The following DCUN1D2 variants were observed in gnomAD, a reference collection of about 807,000 sequenced individuals.
DCUN1D2 encodes the protein defective in cullin neddylation 1 domain containing 2, also known as DCN1-like protein 2.
DCUN1D2 carries 29 observed loss-of-function variants against 30.9 expected under a neutral mutation model. The ratio of observed to expected loss-of-function variants is 0.94; its 90% confidence interval spans 0.70 to 1.28. The LOEUF (loss-of-function observed/expected upper bound fraction) is 1.28, where lower values mean the gene tolerates loss of function less well. DCUN1D2 is among the 50% of genes most tolerant of loss of function. The pLI is 0.00. For missense variants in DCUN1D2, 325 were observed against 316.9 expected (o/e 1.03, Z -0.19); for synonymous variants, 121 against 115.3 (o/e 1.05, Z -0.32).
rs376665865 is a variant in DCUN1D2 at position 113,480,756 on chromosome 13, T to A, written c.221-13A>T. On this transcript the variant is annotated splice_polypyrimidine_tract_variant and intron_variant, in intron 2 of 6. Transcript: ENST00000478244. ...TCATCTTGTGGATCTGTAGTTAATA[T>A]CAGGGGAAAAGGAAGTTATACTATT... 1 of 1,612,394 alleles carries A rather than the reference T, an allele frequency of 6.2e-7. No homozygotes were observed.
Position 113,455,908 on chromosome 13 carries a change from T to G in DCUN1D2, c.*2121A>C, listed in dbSNP as rs1392577760. 3.8e-6 allele frequency: 1 copy of G among 260,456 alleles called. No homozygotes were observed. The highest frequency in any genetic ancestry group is 7.0e-5 in the East Asian group (1 of 14,388). 16.1% of individuals were successfully genotyped at this position (260,456 alleles called of 1,614,324 possible). A position where few individuals can be genotyped will look rare whatever the true frequency, so the allele number is the denominator to read the frequency against. ...TACAACAGAAGAAAAAAACCCACAA[T>G]TTTTGGAAAAGCCTTTGTCCAATGA... On this transcript the variant is annotated 3_prime_UTR_variant, in exon 7 of 7. Transcript: ENST00000478244.
chr13:113,465,872 G>GATAT (rs5806992), intron 4 of DCUN1D2, among the ~76,000 whole-genome samples: 24,295 of 151,206 alleles, frequency 0.16, 2,288 homozygotes, highest in Middle Eastern at 0.29. Flanking sequence ...TATATAGACA[G>GATAT]ATATATATAG....
intron 1 of DCUN1D2, among the ~76,000 whole-genome samples, chr13:113,484,809 A>C (rs2044772674): frequency 4.6e-5 from 7 of 152,152 alleles, no homozygotes; most frequent in Admixed American, 4.6e-4. Context: ...CACTTATCTA[A>C]AGTAACTTGA....
chr13:113,483,962 T>C lies in DCUN1D2; in HGVS notation c.98A>G (p.Asn33Ser). 6.2e-7 allele frequency: 1 copy of C among 1,614,242 alleles called. No homozygotes were observed. Among genetic ancestry groups the C allele is most frequent in the Non-Finnish European group, 8.5e-7 (1 of 1,180,048 alleles). ...ERTAIYCLTQ[N>S]EWRLDEATDS... ...CGTGGCCTCGTCTAGTCTCCACTCA[T>C]TCTGCGTTAAGCAGTAGATAGCAGT... is the stretch of plus-strand genomic sequence containing the variant. Residue 33 changes from asparagine to serine, a missense_variant, in exon 2 of 7, where the codon AAT becomes AGT. Asn to Ser is a conservative substitution (Grantham distance 46). Transcript: ENST00000478244.
chr13:113,457,809 A>G lies in DCUN1D2; in HGVS notation c.*220T>C. On this transcript the variant is annotated 3_prime_UTR_variant, in exon 7 of 7. Coordinates refer to ENST00000478244, the MANE Select transcript of DCUN1D2 (RefSeq NM_001014283.2). ...TTCCTAACGCAAAAGCTATGATGAC[A>G]AATCTCCAAACATCCCAAAGCAGCC... is the stretch of plus-strand genomic sequence containing the variant. 1.9e-6 allele frequency: 1 copy of G among 537,998 alleles called. No individual in the cohort carries two copies. The highest frequency in any genetic ancestry group is 3.4e-6 in the Non-Finnish European group (1 of 297,842). 33.3% of individuals were successfully genotyped at this position (537,998 alleles called of 1,614,324 possible).
At chr13:113,467,110 T>G (rs956763334) in intron 4 of DCUN1D2, among the ~76,000 whole-genome samples, 3 of 151,944 alleles carry the variant, frequency 2.0e-5, no homozygotes, top group Non-Finnish European at 2.9e-5. Context: ...GCCTGGCCTG[T>G]CCTTTGGATG....
chr13:113,486,795 C>T lies in DCUN1D2; in HGVS notation c.4-2739G>A, dbSNP rs190442013. Among the ~76,000 whole-genome samples, 112 of 152,330 alleles carry T rather than the reference C, an allele frequency of 7.4e-4. 1 individual carries two copies. The highest frequency in any genetic ancestry group is 1.4e-3 in the Non-Finnish European group (93 of 68,036). On this transcript the variant is annotated intron_variant, in intron 1 of 6. Coordinates refer to ENST00000478244, the MANE Select transcript of DCUN1D2 (RefSeq NM_001014283.2). ...GGGAAGGTAGAACTCAGATTAAGAA[C>T]GGATGAAGAAGATCAGAAGCCTTCA...
rs1442240087 is a variant in DCUN1D2, at chr13:113,461,156, A to G, written c.521-20T>C. ...CTAAGTCTGGTAAAAAGAAAGAAAG[A>G]GCAGTTAGTAAATCTCACTCTCTTT... On this transcript the variant is annotated intron_variant, in intron 4 of 6. Transcript: ENST00000478244. 1 of 1,513,666 alleles carries G rather than the reference A, an allele frequency of 6.6e-7. No homozygotes were observed. The highest frequency in any genetic ancestry group is 1.7e-5 in the Admixed American group (1 of 58,330). 93.8% of individuals were successfully genotyped at this position (1,513,666 alleles called of 1,614,324 possible). A position where few individuals can be genotyped will look rare whatever the true frequency, so the allele number is the denominator to read the frequency against.
chr13:113,484,075 G>T lies in DCUN1D2; in HGVS notation c.4-19C>A. 1.9e-6 allele frequency: 3 copies of T among 1,612,192 alleles called. No homozygotes were observed. The highest frequency in any genetic ancestry group is 8.5e-7 in the Non-Finnish European group (1 of 1,179,850). The stretch of plus-strand genomic sequence containing the variant: ...GCTTATGCTTTGGGATGCAAAAGAA[G>T]TAGGAAAGCCAATGAAGCCGCTCCA... On this transcript the variant is annotated intron_variant, in intron 1 of 6. Coordinates refer to ENST00000478244, the MANE Select transcript of DCUN1D2 (RefSeq NM_001014283.2).
At position 113,488,674 on chromosome 13, in the gene DCUN1D2, A is replaced by C. The variant is rs2139754642; in HGVS notation, c.3+1993T>G. 6.6e-6 allele frequency among the ~76,000 whole-genome samples: 1 copy of C among 152,328 alleles called. No homozygotes were observed. The highest frequency in any genetic ancestry group is 2.4e-5 in the African/African-American group (1 of 41,576). On this transcript the variant is annotated intron_variant, in intron 1 of 6. Transcript: ENST00000478244. The surrounding 1 kb of genome is among the most constrained non-coding windows in gnomAD (Gnocchi z 4.3). ...AGAGGACTGAACCCAGGTCAAATTA[A>C]CAAAGGCCCAGACGTTGGCAAGAAG... is the stretch of plus-strand genomic sequence containing the variant.
intron 4 of DCUN1D2, among the ~76,000 whole-genome samples, chr13:113,467,472 T>A: frequency 6.6e-6 from 1 of 151,612 alleles, no homozygotes; most frequent in Non-Finnish European, 1.5e-5. Flanking sequence ...GAGTGCCTAT[T>A]TTGAATTAAA....
Position 113,480,682 on chromosome 13 carries a change from G to A in DCUN1D2, c.282C>T (p.Ser94=). 1.2e-6 allele frequency: 2 copies of A among 1,614,060 alleles called. No homozygotes were observed. Among genetic ancestry groups the A allele is most frequent in the Non-Finnish European group, 1.7e-6 (2 of 1,179,994 alleles). ...DGIQQFCDDL[S]LDPASISVLV... The stretch of plus-strand genomic sequence containing the variant: ...ATACACTGATACTGGCAGGATCCAG[G>A]CTCAGATCATCACAAAACTGTTGAA... Residue 94 remains serine (S), a synonymous_variant, in exon 3 of 7, where the codon AGC becomes AGT. Coordinates refer to ENST00000478244, the MANE Select transcript of DCUN1D2 (RefSeq NM_001014283.2).
intron 1 of DCUN1D2, among the ~76,000 whole-genome samples, chr13:113,486,980 G>A (rs2260894): frequency 0.19 from 29,120 of 152,190 alleles, 3,709 homozygotes; most frequent in African/African-American, 0.36. Context: ...TGCCGACCCC[G>A]ATCTAGATTC....
intron 4 of DCUN1D2, among the ~76,000 whole-genome samples, chr13:113,471,314 C>A (rs2044511080): frequency 6.7e-6 from 1 of 149,572 alleles, no homozygotes; most frequent in African/African-American, 2.4e-5. Flanking sequence ...CCACAGAAGA[C>A]CCAACTCCAC....
At chr13:113,477,046 C>T (rs1003366632) in intron 3 of DCUN1D2, among the ~76,000 whole-genome samples, 2 of 152,218 alleles carry the variant, frequency 1.3e-5, no homozygotes, top group African/African-American at 4.8e-5. Flanking sequence ...GTCTTAATTA[C>T]TGTAGCTTTA....
At chr13:113,463,418 A>G (rs537338116) in intron 4 of DCUN1D2, among the ~76,000 whole-genome samples, 257 of 152,214 alleles carry the variant, frequency 1.7e-3, no homozygotes, top group African/African-American at 5.9e-3. Flanking sequence ...CTGGCCGGGC[A>G]CAGTGGCTCA....
At position 113,456,217 on chromosome 13, in the gene DCUN1D2, T is replaced by C. The variant is rs560686500; in HGVS notation, c.*1812A>G. On this transcript the variant is annotated 3_prime_UTR_variant, in exon 7 of 7. Transcript: ENST00000478244. ...CCATTAGAGTTCTGGAAGCAGAGCC[T>C]GGGGAAGGTCTGTCACTTGCCCATC... 5 of 398,676 alleles carry C rather than the reference T, an allele frequency of 1.3e-5. No individual in the cohort carries two copies. In the East Asian group the frequency reaches 1.8e-4, roughly 14 times the overall value. 24.7% of individuals were successfully genotyped at this position (398,676 alleles called of 1,614,324 possible).
At chr13:113,473,729 C>T (rs1016128515) in intron 4 of DCUN1D2, among the ~76,000 whole-genome samples, 3 of 152,170 alleles carry the variant, frequency 2.0e-5, no homozygotes, top group Admixed American at 6.5e-5. Flanking sequence ...CTGGGCCGGC[C>T]GCAGTGGCTC....
At position 113,474,258 on chromosome 13, in the gene DCUN1D2, C is replaced by T. The variant is rs368577955; in HGVS notation, c.390-4G>A. Reference sequence around the variant, plus strand: ...TAGCTTCTCCATGCTGTCACACCTGCGATGACAGAGAGTGGTTTGTCTTGC... The same window carrying T: ...TAGCTTCTCCATGCTGTCACACCTGTGATGACAGAGAGTGGTTTGTCTTGC... On this transcript the variant is annotated splice_region_variant and splice_polypyrimidine_tract_variant and intron_variant, in intron 3 of 6. Transcript: ENST00000478244. The T allele has an allele frequency of 8.1e-6, 13 of 1,613,222 alleles. 1 individual carries two copies. The highest frequency in any genetic ancestry group is 6.7e-5 in the Admixed American group (4 of 59,988).
Sources: gnomAD v4.1 joint callset for allele counts (sites outside exome capture counted in the v4.1 genomes callset) on GRCh38, gnomAD v4.1.1 for gene constraint, Gnocchi (gnomAD v3.1) non-coding constraint, MANE v1.5 for transcripts, NCBI Gene and HGNC (gene_info 2026-07-23, HGNC 2026-07-21) for gene names.